The following POLR3A variants were observed in gnomAD, a reference collection of about 807,000 sequenced individuals.
POLR3A encodes DNA-directed RNA polymerase III subunit RPC1.
Under a neutral mutation model 152.8 loss-of-function variants are expected in POLR3A, and 112 were observed. The observed-to-expected ratio is 0.73, with a 90% CI of 0.63 to 0.86. The LOEUF is 0.86. POLR3A is among the 40% of genes least tolerant of loss of function. The pLI is 0.00. For missense variants in POLR3A, 1,385 were observed against 1,743.1 expected, an observed-to-expected ratio of 0.79 and a Z score of 3.66; for synonymous variants, 615 against 652.1, an observed-to-expected ratio of 0.94 and a Z score of 0.87.
At position 77,982,183 on chromosome 10, in the gene POLR3A, T is replaced by G. The variant is rs745918351; in HGVS notation, c.3730A>C (p.Thr1244Pro). ...AVMATHGVKG[T>P]RTTSNNTYEV... ...TAGGTGTTATTGGAGGTGGTTCGGG[T>G]GCCCTTCACACCGTGTGTGGCCATG... The change falls in exon 28 of 31, where the codon ACC becomes CCC. Residue 1244 changes from threonine to proline, a missense_variant. By Grantham distance (38) the Thr-to-Pro change is conservative. This residue lies in a region of POLR3A where 332 missense variants were observed against 400.1 expected (regional missense o/e 0.83). Coordinates refer to ENST00000372371, the MANE Select transcript of POLR3A (RefSeq NM_007055.4). The G allele has an allele frequency of 7.4e-6, 12 of 1,612,534 alleles. No individual in the cohort carries two copies. The highest frequency in any genetic ancestry group is 8.5e-6 in the Non-Finnish European group (10 of 1,179,812).
intron 21 of POLR3A, among the ~76,000 whole-genome samples, chr10:77,987,146 G>A (rs1428226631): frequency 1.3e-5 from 2 of 152,148 alleles, no homozygotes; most frequent in African/African-American, 4.8e-5. Context: ...ACGGACTACA[G>A]ACTGGCTCTT....
chr10:77,978,875 G>A (rs1326723955), intron 30 of POLR3A, among the ~76,000 whole-genome samples: 2 of 151,568 alleles, frequency 1.3e-5, no homozygotes, highest in South Asian at 2.1e-4. Flanking sequence ...TCTTGGCCAG[G>A]TTGGTCTTGA....
At chr10:78,006,399 A>C (rs1324086260) in intron 15 of POLR3A, among the ~76,000 whole-genome samples, 3 of 147,554 alleles carry the variant, frequency 2.0e-5, no homozygotes, top group African/African-American at 5.0e-5. Context: ...CTGTCTCAAA[A>C]AAAAAAAAAA....
intron 21 of POLR3A, among the ~76,000 whole-genome samples, chr10:77,986,736 A>G (rs1847201996): frequency 6.6e-6 from 1 of 152,142 alleles, no homozygotes; most frequent in Non-Finnish European, 1.5e-5. Context: ...CTAGGCCTAC[A>G]CTGTCTTCCC....
intron 1 of POLR3A, 106 bp from the exon 2 acceptor site, chr10:78,026,335 C>G (rs1240718302): frequency 1.9e-6 from 2 of 1,079,130 alleles, no homozygotes; most frequent in Non-Finnish European, 2.8e-6. Context: ...ACTGTCTCCA[C>G]TGGCTTTTCC....
intron 28 of POLR3A, 23 bp from the exon 29 acceptor site, chr10:77,981,582 A>C: frequency 6.2e-7 from 1 of 1,613,878 alleles, no homozygotes; most frequent in Non-Finnish European, 8.5e-7. Flanking sequence ...AGTAATGAGC[A>C]GAAGCAGCCC....
chr10:78,009,440 T>G, intron 14 of POLR3A, 97 bp downstream of exon 14: 1 of 1,543,506 alleles, frequency 6.5e-7, no homozygotes, highest in Non-Finnish European at 9.0e-7. Flanking sequence ...AAACAATGAA[T>G]TTGCTTGCTT....
intron 24 of POLR3A, 59 bp downstream of exon 24, chr10:77,985,111 T>C (rs1847184932): frequency 1.2e-5 from 17 of 1,375,106 alleles, no homozygotes; most frequent in Middle Eastern, 1.8e-4. Context: ...ACGGGGATCA[T>C]TGTTTCTCAG....
Position 77,982,336 on chromosome 10 carries a change from G to A in POLR3A, c.3595-18C>T. ...ACCACCACCTGGATTCAGAGACAGA[G>A]AAAGCTGTGAGGACGGGGTGAGCCA... On this transcript the variant is annotated intron_variant, in intron 27 of 30. Transcript: ENST00000372371. 6.2e-7 allele frequency: 1 copy of A among 1,613,794 alleles called. No individual in the cohort carries two copies. The highest frequency in any genetic ancestry group is 8.5e-7 in the Non-Finnish European group (1 of 1,179,704).
At chr10:78,022,484 A>G in intron 5 of POLR3A, 100 bp from the exon 6 acceptor site, 1 of 1,213,502 alleles carries the variant, frequency 8.2e-7, no homozygotes, top group Non-Finnish European at 1.2e-6. Context: ...ATCTGTCACT[A>G]AGGATAAGTG....
rs376011975 is a variant in POLR3A at position 78,022,298 on chromosome 10, G to A, written c.732C>T (p.Ala244=). The change falls in exon 6 of 31, where the codon GCC becomes GCT. Residue 244 remains alanine, a synonymous_variant. Coordinates refer to ENST00000372371, the MANE Select transcript of POLR3A (RefSeq NM_007055.4). The part of the protein sequence containing the change: ...DVPLLLMNPE[A]GKPSDLILTR... ...TGAGAATCAAATCAGACGGCTTTCC[G>A]GCTTCTGGGTTCATCAGAAGTAGAG... 41 of 1,614,058 alleles carry A rather than the reference G, an allele frequency of 2.5e-5. No homozygotes were observed. The highest frequency in any genetic ancestry group is 1.6e-4 in the Middle Eastern group (1 of 6,084).
chr10:78,023,946 T>C (rs559486295), intron 5 of POLR3A, among the ~76,000 whole-genome samples: 1 of 152,112 alleles, frequency 6.6e-6, no homozygotes, highest in East Asian at 1.9e-4. Flanking sequence ...GAGACCAGAC[T>C]GGGCAACACA....
intron 15 of POLR3A, among the ~76,000 whole-genome samples, chr10:78,007,471 G>A (rs1222547539): frequency 6.6e-6 from 1 of 152,180 alleles, no homozygotes; most frequent in Non-Finnish European, 1.5e-5. Context: ...GGGAGCTACT[G>A]CTGGTTTTGA....
At chr10:77,979,944 T>C (rs1215096962) in intron 30 of POLR3A, among the ~76,000 whole-genome samples, 197 bp downstream of exon 30, 4 of 152,108 alleles carry the variant, frequency 2.6e-5, no homozygotes, top group African/African-American at 9.7e-5. Context: ...CCAACAGATG[T>C]AAACGGGGAT....
chr10:78,011,668 G>GA (rs1210516175), intron 11 of POLR3A, among the ~76,000 whole-genome samples: 1 of 152,190 alleles, frequency 6.6e-6, no homozygotes, highest in Non-Finnish European at 1.5e-5. Context: ...TGGGATACAG[G>GA]TAGTCTACGG....
chr10:77,981,364 G>C, intron 29 of POLR3A, 64 bp downstream of exon 29: 1 of 1,483,662 alleles, frequency 6.7e-7, no homozygotes, highest in East Asian at 2.3e-5. Flanking sequence ...AACTCCACAG[G>C]CTTATTCTCC....
intron 10 of POLR3A, among the ~76,000 whole-genome samples, chr10:78,016,410 T>TA (rs548574588): frequency 0.037 from 3,438 of 92,014 alleles, 217 homozygotes; most frequent in African/African-American, 0.12. Flanking sequence ...CTCCACTTAT[T>TA]AAAAAAAAAA....
Position 78,009,759 on chromosome 10 carries a change from G to A in POLR3A, c.1771-84C>T, listed in dbSNP as rs556980895. ...AGTAGACGAAGCCAGGCGGCCTAGGGACTGCACTCAAGCCTAGCACCAACA... is the reference window on the plus strand; with the variant it reads ...AGTAGACGAAGCCAGGCGGCCTAGGAACTGCACTCAAGCCTAGCACCAACA... On this transcript the variant is annotated intron_variant, in intron 13 of 30. Coordinates refer to ENST00000372371, the MANE Select transcript of POLR3A (RefSeq NM_007055.4). 3.8e-5 allele frequency: 61 copies of A among 1,611,134 alleles called. No homozygotes were observed. In the South Asian group the frequency reaches 6.5e-4, roughly 17 times the overall value.
intron 21 of POLR3A, 57 bp downstream of exon 21, chr10:77,990,997 C>CA (rs1438054232): frequency 9.3e-6 from 9 of 964,878 alleles, no homozygotes; most frequent in Non-Finnish European, 1.3e-5. Context: ...CCTTGGCAAA[C>CA]AGAGTTCTTT....
Sources: gnomAD v4.1 joint callset for allele counts (sites outside exome capture counted in the v4.1 genomes callset) on GRCh38, gnomAD v4.1.1 for gene constraint, gnomAD v4.1.1 regional missense constraint, MANE v1.5 for transcripts, NCBI Gene and HGNC (gene_info 2026-07-23, HGNC 2026-07-21) for gene names.